ADGRL2: variants seen among roughly 807,000 people sequenced by gnomAD.
The protein encoded by ADGRL2 is calcium-independent alpha-latrotoxin receptor 2.
Under a neutral mutation model 157.4 loss-of-function variants are expected in ADGRL2, and 44 were observed. The ratio of observed to expected loss-of-function variants is 0.28; its 90% CI spans 0.22 to 0.36. ADGRL2 has a LOEUF of 0.36. Ranked by LOEUF, ADGRL2 falls within the 10% of genes least tolerant of loss-of-function variation. The probability of loss-of-function intolerance (pLI) is 1.00; values close to 1 mark genes in which losing one functional copy is unlikely to be tolerated. For synonymous variants in ADGRL2, 585 were observed against 624.7 expected, an observed-to-expected ratio of 0.94 and a Z score of 0.95; for missense variants, 1,510 against 1,768.9, an observed-to-expected ratio of 0.85 and a Z score of 2.63.
At chr1:81,370,911 T>C in intron 1 of ADGRL2, among the ~76,000 whole-genome samples, 1 of 152,278 alleles carries the variant, frequency 6.6e-6, no homozygotes, top group African/African-American at 2.4e-5. Flanking sequence ...GGCCTTTCCT[T>C]TGAAAACTTG....
chr1:81,669,612 A>T (rs957757764), intron 3 of ADGRL2, among the ~76,000 whole-genome samples: 1 of 152,164 alleles, frequency 6.6e-6, no homozygotes, highest in Non-Finnish European at 1.5e-5. Context: ...GATGGGTGCT[A>T]TGAAGAAAAA....
chr1:81,625,597 C>T (rs943296880), intron 3 of ADGRL2: 1 of 152,080 alleles, frequency 6.6e-6, no homozygotes, highest in Non-Finnish European at 1.5e-5. Context: ...AAATTCATGT[C>T]GTGAGAGTTG....
chr1:81,317,166 T>C (rs528781075), intron 1 of ADGRL2, among the ~76,000 whole-genome samples: 1 of 152,174 alleles, frequency 6.6e-6, no homozygotes, highest in Admixed American at 6.6e-5. Flanking sequence ...CTGCCAAACA[T>C]TCTAGAATAC....
At chr1:81,467,684 G>A (rs1243478710) in intron 2 of ADGRL2, among the ~76,000 whole-genome samples, 1 of 152,048 alleles carries the variant, frequency 6.6e-6, no homozygotes, top group Non-Finnish European at 1.5e-5. Flanking sequence ...GTACTTTTGT[G>A]AGCAAGATTG....
chr1:81,369,505 A>T (rs930240964), intron 1 of ADGRL2, among the ~76,000 whole-genome samples: 26 of 152,136 alleles, frequency 1.7e-4, no homozygotes, highest in African/African-American at 5.8e-4. Flanking sequence ...TTTGCACAAA[A>T]CATTCAGATG....
At chr1:81,754,547 C>T (rs1301213075) in intron 1 of ADGRL2, among the ~76,000 whole-genome samples, 1 of 129,704 alleles carries the variant, frequency 7.7e-6, no homozygotes, top group Non-Finnish European at 1.6e-5. Flanking sequence ...TTCTTTCCTT[C>T]TTTCTTTCTC....
intron 2 of ADGRL2, among the ~76,000 whole-genome samples, chr1:81,513,716 G>A (rs574809336): frequency 9.2e-5 from 14 of 152,068 alleles, no homozygotes; most frequent in Non-Finnish European, 4.4e-5. Context: ...GCAAGAAGAG[G>A]AAGTTCTAAA....
rs369625268 is a variant in ADGRL2 at position 81,561,635 on chromosome 1, A to G, written c.-247-19241A>G. Among the ~76,000 whole-genome samples the G allele has an allele frequency of 6.7e-4, 101 of 151,558 alleles. 6 individuals are homozygous for G. The East Asian group carries it at 9.9e-3, about 15-fold the overall frequency. The stretch of plus-strand genomic sequence containing the variant: ...GCCATCATGCCCGGCTAATTTTTGT[A>G]TTTTAGTAGAGACAGGGTTTCACCA... On this transcript the variant is annotated intron_variant, in intron 2 of 24. Coordinates refer to the ADGRL2 transcript ENST00000370721.
At chr1:81,661,705 C>G (rs557532107) in intron 3 of ADGRL2, among the ~76,000 whole-genome samples, 10 of 152,266 alleles carry the variant, frequency 6.6e-5, no homozygotes, top group Admixed American at 6.5e-4. Flanking sequence ...GTGGATGGTT[C>G]CAGTTTACAC....
intron 2 of ADGRL2, among the ~76,000 whole-genome samples, chr1:81,840,771 T>TA (rs1054809442): frequency 6.6e-6 from 1 of 152,162 alleles, no homozygotes; most frequent in African/African-American, 2.4e-5. Flanking sequence ...AATTTCCAAA[T>TA]AAAAATGATT....
At chr1:81,903,715 T>TTATA (rs201399955) in intron 2 of ADGRL2, among the ~76,000 whole-genome samples, 1,700 of 145,142 alleles carry the variant, frequency 0.012, 19 homozygotes, top group African/African-American at 0.027. Context: ...TATATATTCA[T>TTATA]TATATATATA....
chr1:81,922,401 A>T (rs1345591440), intron 3 of ADGRL2, among the ~76,000 whole-genome samples: 1 of 152,192 alleles, frequency 6.6e-6, no homozygotes, highest in Non-Finnish European at 1.5e-5. Context: ...ATATCTCAAA[A>T]ATTATGAAAA....
At chr1:81,960,431 G>A (rs1257111486) in intron 11 of ADGRL2, among the ~76,000 whole-genome samples, 1 of 151,872 alleles carries the variant, frequency 6.6e-6, no homozygotes, top group Non-Finnish European at 1.5e-5. Flanking sequence ...TTATCAGCCT[G>A]ATCCATCCAT....
intron 3 of ADGRL2, among the ~76,000 whole-genome samples, chr1:81,660,337 C>G (rs1405593262): frequency 6.6e-6 from 1 of 152,132 alleles, no homozygotes; most frequent in Non-Finnish European, 1.5e-5. Flanking sequence ...ATAGGTTGTA[C>G]TGAGTAATCT....
chr1:81,960,890 C>G (rs1248102476), intron 11 of ADGRL2, among the ~76,000 whole-genome samples: 1 of 152,182 alleles, frequency 6.6e-6, no homozygotes, highest in African/African-American at 2.4e-5. Flanking sequence ...AGGTTTACTA[C>G]TCCTTCCTGC....
chr1:81,963,300 G>A (rs920841961), intron 11 of ADGRL2, among the ~76,000 whole-genome samples: 3 of 151,972 alleles, frequency 2.0e-5, no homozygotes, highest in Admixed American at 6.6e-5. Context: ...ATAGTTTATC[G>A]TTAACGTCCC....
upstream of ADGRL2, among the ~76,000 whole-genome samples, chr1:81,800,818 G>C (rs1360425338): frequency 6.6e-6 from 1 of 151,078 alleles, no homozygotes; most frequent in Admixed American, 6.6e-5. Flanking sequence ...GTGTTAATGG[G>C]GGGAGCTGGA....
At chr1:81,839,905 ATT>A (rs2092480645) in intron 2 of ADGRL2, among the ~76,000 whole-genome samples, 3 of 140,956 alleles carry the variant, frequency 2.1e-5, no homozygotes, top group African/African-American at 7.9e-5. Context: ...ATATATATAT[ATT>A]TTCCATCATA....
At chr1:81,760,069 A>C (rs2085821816) in intron 1 of ADGRL2, among the ~76,000 whole-genome samples, 2 of 152,250 alleles carry the variant, frequency 1.3e-5, no homozygotes, top group African/African-American at 4.8e-5. Context: ...TTTTTAAATC[A>C]ATGAAGTAGG....
Sources: gnomAD v4.1 joint callset for allele counts (sites outside exome capture counted in the v4.1 genomes callset) on GRCh38, gnomAD v4.1.1 for gene constraint, MANE v1.5 for transcripts, NCBI Gene and HGNC (gene_info 2026-07-23, HGNC 2026-07-21) for gene names.